NAALADL2: variants seen among roughly 807,000 people sequenced by gnomAD.
The protein encoded by NAALADL2 is inactive N-acetylated-alpha-linked acidic dipeptidase-like protein 2.
A neutral mutation model predicts 87.2 loss-of-function variants in NAALADL2; 76 were observed. The observed-to-expected ratio is 0.87, with a 90% CI of 0.72 to 1.05. The LOEUF is 1.05. NAALADL2 is among the 50% of genes least tolerant of loss of function. The pLI, the probability that NAALADL2 is intolerant of heterozygous loss-of-function variation, is 0.00. For synonymous variants in NAALADL2, 354 were observed against 331.0 expected (o/e 1.07, Z -0.75); for missense variants, 1,089 against 945.8 (o/e 1.15, Z -1.99).
intron 2 of NAALADL2, among the ~76,000 whole-genome samples, chr3:174,628,802 A>G (rs1271519057): frequency 6.6e-6 from 1 of 152,156 alleles, no homozygotes; most frequent in African/African-American, 2.4e-5. Flanking sequence ...CCCTATAAGC[A>G]TATTGGTTCT....
At position 175,737,373 on chromosome 3, in the gene NAALADL2, C is replaced by T. The variant is rs1744639488; in HGVS notation, c.1964C>T (p.Ala655Val). 1.2e-6 allele frequency: 2 copies of T among 1,606,900 alleles called. No individual in the cohort carries two copies. Among genetic ancestry groups the T allele is most frequent in the African/African-American group, 1.3e-5 (1 of 74,694 alleles). Residue 655 changes from alanine to valine, a missense_variant, in exon 12 of 14, where the codon GCT (alanine) becomes GTT (valine). Coordinates refer to ENST00000454872, the MANE Select transcript of NAALADL2 (RefSeq NM_207015.3). ...CTGCCCTTTAATGCACTTGATATAG[C>T]TTTAGAAGTTCAAAACAACCTTAAA... The part of the protein sequence containing the change: ...PVLPFNALDI[A>V]LEVQNNLKGD...
chr3:174,855,313 T>C (rs561741481), upstream of NAALADL2, among the ~76,000 whole-genome samples: 5 of 152,298 alleles, frequency 3.3e-5, no homozygotes, highest in East Asian at 9.7e-4. Flanking sequence ...GGCTTCGTTA[T>C]AATCTTTTGA....
At position 175,576,182 on chromosome 3, in the gene NAALADL2, T is replaced by G. The variant is rs774861908; in HGVS notation, c.1795T>G (p.Leu599Val). The part of the protein sequence containing the change: ...VQFAYEDIKT[L>V]EGPSFLSEAR... ...GTTTGCTTACGAGGACATCAAAACA[T>G]TAGAGGTGATTGTTCCTAAAAAATG... The change falls in exon 10 of 14, where the codon TTA becomes GTA. Residue 599 changes from leucine (L) to valine (V), a missense_variant. Coordinates refer to ENST00000454872, the MANE Select transcript of NAALADL2 (RefSeq NM_207015.3). 9 of 1,611,608 alleles carry G rather than the reference T, an allele frequency of 5.6e-6. No individual in the cohort carries two copies. Among genetic ancestry groups the G allele is most frequent in the Non-Finnish European group, 7.6e-6 (9 of 1,179,124 alleles).
chr3:175,601,686 A>G (rs1281601277), intron 10 of NAALADL2, among the ~76,000 whole-genome samples: 2 of 152,192 alleles, frequency 1.3e-5, no homozygotes, highest in Non-Finnish European at 2.9e-5. Context: ...ATGCCTTGAC[A>G]TACACCCACA....
chr3:174,971,246 A>G (rs1026555707), intron 1 of NAALADL2, among the ~76,000 whole-genome samples: 5 of 152,326 alleles, frequency 3.3e-5, no homozygotes, highest in South Asian at 2.1e-4. Context: ...GGAGACAGCC[A>G]AACCATATTG....
intron 1 of NAALADL2, among the ~76,000 whole-genome samples, chr3:174,447,080 G>A (rs1715114105): frequency 2.0e-5 from 3 of 152,192 alleles, no homozygotes; most frequent in Non-Finnish European, 4.4e-5. Context: ...GAAAATACTT[G>A]TGTTACTGGC....
intron 12 of NAALADL2, among the ~76,000 whole-genome samples, chr3:175,739,506 C>G (rs1744965587): frequency 6.6e-6 from 1 of 152,166 alleles, no homozygotes; most frequent in South Asian, 2.1e-4. Flanking sequence ...GATTATTAAT[C>G]TGGTTGGTGT....
chr3:174,640,322 G>C (rs950626624), intron 2 of NAALADL2, among the ~76,000 whole-genome samples: 1 of 152,216 alleles, frequency 6.6e-6, no homozygotes, highest in East Asian at 1.9e-4. Context: ...GAGGTTTAAA[G>C]GGTGTCCAAC....
At chr3:175,542,441 C>A (rs898136952) in intron 9 of NAALADL2, among the ~76,000 whole-genome samples, 1 of 152,202 alleles carries the variant, frequency 6.6e-6, no homozygotes, top group African/African-American at 2.4e-5. Flanking sequence ...ATATTCAAGT[C>A]CTGCAGTTGG....
In NAALADL2 at chr3:175,737,349, T is replaced by G. The variant is rs1157745908; in HGVS notation, c.1940T>G (p.Leu647Arg). The stretch of plus-strand genomic sequence containing the variant: ...TTGCAAATTGCCAACGAACCTGTTC[T>G]GCCCTTTAATGCACTTGATATAGCT... ...VILQIANEPV[L>R]PFNALDIALE... Residue 647 changes from leucine (L) to arginine (R), a missense_variant, in exon 12 of 14, where the codon CTG becomes CGG. Physicochemically the swap from Leu to Arg is moderately radical, Grantham distance 102. Coordinates refer to ENST00000454872, the MANE Select transcript of NAALADL2 (RefSeq NM_207015.3). The G allele has an allele frequency of 6.2e-7, 1 of 1,612,156 alleles. No individual in the cohort carries two copies. Among genetic ancestry groups the G allele is most frequent in the East Asian group, 2.2e-5 (1 of 44,820 alleles).
intron 1 of NAALADL2, among the ~76,000 whole-genome samples, chr3:174,955,802 C>T (rs1741069773): frequency 6.6e-6 from 1 of 152,002 alleles, no homozygotes; most frequent in Non-Finnish European, 1.5e-5. Flanking sequence ...TCAGGCTCTA[C>T]CAACAGAGTG....
chr3:175,652,479 C>CTTTTT (rs771774912), intron 11 of NAALADL2, among the ~76,000 whole-genome samples: 2 of 132,404 alleles, frequency 1.5e-5, no homozygotes, highest in South Asian at 2.4e-4. Flanking sequence ...TCTTTTCTTT[C>CTTTTT]TTTTTTTTTT....
intron 11 of NAALADL2, among the ~76,000 whole-genome samples, chr3:175,667,241 A>AAGAAAGAAAGAAAGAAAGAAAGAAAAAG (rs1182682303): frequency 1.8e-3 from 165 of 91,646 alleles, no homozygotes; most frequent in African/African-American, 7.7e-3. Flanking sequence ...GAAAGAAAGA[A>AAGAAAGAAAGAAAGAAAGAAAGAAAAAG]AAAGAAAGAA....
rs145241144 is a variant in NAALADL2, at chr3:175,805,540, T to C, written c.*2337T>C. 2 of 151,936 alleles carry C rather than the reference T, an allele frequency of 1.3e-5. No individual in the cohort carries two copies. Among genetic ancestry groups the C allele is most frequent in the African/African-American group, 2.4e-5 (1 of 41,510 alleles). 9.4% of individuals were successfully genotyped at this position (151,936 alleles called of 1,614,324 possible). On this transcript the variant is annotated 3_prime_UTR_variant, in exon 14 of 14. Transcript: ENST00000454872. ...CTCTTAACTAGCAGCATTATTTCTA[T>C]AGTGTGATTACCTGAGGGTGCCTCC...
At position 175,612,544 on chromosome 3, in the gene NAALADL2, G is replaced by A. The variant is rs116628126; in HGVS notation, c.1801-14747G>A. 1.3e-3 allele frequency among the ~76,000 whole-genome samples: 201 copies of A among 152,168 alleles called. 2 individuals are homozygous for A. Among genetic ancestry groups the A allele is most frequent in the African/African-American group, 4.5e-3 (188 of 41,534 alleles). On this transcript the variant is annotated intron_variant, in intron 10 of 13. Coordinates refer to ENST00000454872, the MANE Select transcript of NAALADL2 (RefSeq NM_207015.3). ...TGTATTTGTTTCTTCTTAACCCGAT[G>A]TTTAGATTCTTTTGCCCTTAACTTT...
chr3:175,261,032 A>G (rs766419695), intron 4 of NAALADL2, among the ~76,000 whole-genome samples: 18 of 152,132 alleles, frequency 1.2e-4, no homozygotes, highest in Non-Finnish European at 2.1e-4. Flanking sequence ...AAAAGCATCG[A>G]CCAAGTTCCC....
chr3:175,223,199 T>C (rs998342285), intron 2 of NAALADL2, among the ~76,000 whole-genome samples: 1 of 151,894 alleles, frequency 6.6e-6, no homozygotes, highest in African/African-American at 2.4e-5. Flanking sequence ...TAGTCACGAA[T>C]TTGTACATTA....
In NAALADL2 at chr3:175,096,726, C is replaced by G. The variant is rs547017775; in HGVS notation, c.44-64C>G. Reference sequence around the variant, plus strand: ...TCAATATGGCTTACTGTTTTGTTTTCACTTTGTTAGTTTTTTTAATTGTGT... The same window carrying G: ...TCAATATGGCTTACTGTTTTGTTTTGACTTTGTTAGTTTTTTTAATTGTGT... On this transcript the variant is annotated intron_variant, in intron 1 of 13. Transcript: ENST00000454872. 8.6e-5 allele frequency: 97 copies of G among 1,127,608 alleles called. No individual in the cohort carries two copies. The East Asian group carries it at 1.1e-3, about 13-fold the overall frequency. 69.9% of individuals were successfully genotyped at this position (1,127,608 alleles called of 1,614,324 possible). A position where few individuals can be genotyped will look rare whatever the true frequency, so the allele number is the denominator to read the frequency against.
chr3:175,306,807 C>A (rs945487199), intron 4 of NAALADL2, among the ~76,000 whole-genome samples: 3 of 152,136 alleles, frequency 2.0e-5, no homozygotes, highest in Admixed American at 1.3e-4. Context: ...GGTCATGCCA[C>A]TGCACTCCAA....
Sources: gnomAD v4.1 joint callset for allele counts (sites outside exome capture counted in the v4.1 genomes callset) on GRCh38, gnomAD v4.1.1 for gene constraint, MANE v1.5 for transcripts, NCBI Gene and HGNC (gene_info 2026-07-23, HGNC 2026-07-21) for gene names.